Variants in ANTXR1 observed in about 807,000 individuals in gnomAD.
ANTXR1 encodes the protein ANTXR cell adhesion molecule 1.
A neutral mutation model predicts 78.1 loss-of-function variants in ANTXR1; 19 were observed. The observed-to-expected ratio is 0.24, with a 90% CI of 0.17 to 0.36. The LOEUF is 0.36. Ranked by LOEUF, ANTXR1 falls within the 10% of genes least tolerant of loss-of-function variation. The probability of loss-of-function intolerance (pLI) is 1.00; values close to 1 mark genes in which losing one functional copy is unlikely to be tolerated. For missense variants in ANTXR1, 518 were observed against 718.6 expected, an observed-to-expected ratio of 0.72 and a Z score of 3.19; for synonymous variants, 273 against 260.5, an observed-to-expected ratio of 1.05 and a Z score of -0.46.
chr2:69,181,920 A>T (rs754300729), intron 15 of ANTXR1, 39 bp downstream of exon 15: 3 of 1,600,910 alleles, frequency 1.9e-6, no homozygotes, highest in South Asian at 2.2e-5. Context: ...CTATGTGCTG[A>T]CTACTCCCAT....
chr2:69,070,579 T>C, intron 3 of ANTXR1, 68 bp from the exon 4 acceptor site: 1 of 1,415,566 alleles, frequency 7.1e-7, no homozygotes. Flanking sequence ...AGAAGACTAG[T>C]ACTTATGACT....
At chr2:69,203,058 T>C (rs977967135) in intron 17 of ANTXR1, among the ~76,000 whole-genome samples, 2 of 138,426 alleles carry the variant, frequency 1.4e-5, no homozygotes, top group Non-Finnish European at 3.3e-5. Context: ...TACATGAAAG[T>C]CGTTTTTCTT....
intron 2 of ANTXR1, among the ~76,000 whole-genome samples, chr2:69,042,296 G>A (rs1011961020): frequency 6.6e-6 from 1 of 152,026 alleles, no homozygotes; most frequent in Non-Finnish European, 1.5e-5. Context: ...ACCCATTGCT[G>A]TCAGCAAATA....
At chr2:69,058,679 G>T (rs895905272) in intron 3 of ANTXR1, among the ~76,000 whole-genome samples, 2 of 152,126 alleles carry the variant, frequency 1.3e-5, no homozygotes, top group African/African-American at 2.4e-5. Flanking sequence ...CATGGATCAG[G>T]GAGTAATTTA....
rs573112898 is a variant in ANTXR1, at chr2:69,039,897, A to G, written c.153-147A>G. 141 of 684,214 alleles carry G rather than the reference A, an allele frequency of 2.1e-4. 1 individual carries two copies. The African/African-American group carries it at 2.3e-3, about 11-fold the overall frequency. 42.4% of individuals were successfully genotyped at this position (684,214 alleles called of 1,614,324 possible). A position where few individuals can be genotyped will look rare whatever the true frequency, so the allele number is the denominator to read the frequency against. ...AACAGAAAGTTGAAACAGCCTTTCAAATAATTTCCAAAGTTACAGAAGTTT... is the reference window on the plus strand; with the variant it reads ...AACAGAAAGTTGAAACAGCCTTTCAGATAATTTCCAAAGTTACAGAAGTTT... On this transcript the variant is annotated intron_variant, in intron 1 of 17. Coordinates refer to ENST00000303714, the MANE Select transcript of ANTXR1 (RefSeq NM_032208.3).
chr2:69,080,409 TG>T (rs1190686450), intron 8 of ANTXR1, among the ~76,000 whole-genome samples: 1 of 152,260 alleles, frequency 6.6e-6, no homozygotes, highest in East Asian at 1.9e-4. Flanking sequence ...AAAATAGGAC[TG>T]GGCTTAATTA....
intron 1 of ANTXR1, among the ~76,000 whole-genome samples, chr2:69,031,457 T>C (rs749393666): frequency 6.6e-6 from 1 of 152,172 alleles, no homozygotes; most frequent in African/African-American, 2.4e-5. Flanking sequence ...ATTAAAACAA[T>C]AGTGAAATCA....
At chr2:69,105,775 A>C (rs1469246628) in intron 10 of ANTXR1, among the ~76,000 whole-genome samples, 1 of 152,064 alleles carries the variant, frequency 6.6e-6, no homozygotes, top group East Asian at 1.9e-4. Context: ...TAAGTGCTGC[A>C]TTGGAATTTG....
intron 1 of ANTXR1, among the ~76,000 whole-genome samples, chr2:69,023,516 AGAT>A (rs893213627): frequency 2.4e-5 from 2 of 83,738 alleles, no homozygotes; most frequent in Non-Finnish European, 4.0e-5. Context: ...GTGGAGGTGG[AGAT>A]GATGATGATG....
chr2:69,145,207 G>C lies in ANTXR1; in HGVS notation c.952-6962G>C, dbSNP rs1298555352. ...ACAGCCAGAGGCAGAGTTACGGGGG[G>C]CTGATTCGCTTAAACTTTAGGGACC... On this transcript the variant is annotated intron_variant, in intron 12 of 17. Coordinates refer to ENST00000303714, the MANE Select transcript of ANTXR1 (RefSeq NM_032208.3). 4 of 983,102 alleles carry C rather than the reference G, an allele frequency of 4.1e-6. No individual in the cohort carries two copies. In the East Asian group the frequency reaches 1.1e-4, roughly 26 times the overall value. The allele number at this position is 983,102 out of a possible 1,614,324, so 60.9% of individuals were successfully genotyped here. A position where few individuals can be genotyped will look rare whatever the true frequency, so the allele number is the denominator to read the frequency against.
chr2:69,096,206 C>T (rs1305465735), intron 9 of ANTXR1, among the ~76,000 whole-genome samples: 1 of 149,622 alleles, frequency 6.7e-6, no homozygotes, highest in Non-Finnish European at 1.5e-5. Flanking sequence ...TGCAGTGAGC[C>T]GAGATCATGT....
chr2:69,186,099 G>A (rs1289511326), intron 16 of ANTXR1, among the ~76,000 whole-genome samples: 3 of 152,142 alleles, frequency 2.0e-5, no homozygotes, highest in African/African-American at 7.2e-5. Context: ...TTAAAGAGCT[G>A]AGGCATGAAC....
intron 17 of ANTXR1, among the ~76,000 whole-genome samples, chr2:69,237,595 T>A (rs1675796830): frequency 6.6e-6 from 1 of 152,190 alleles, no homozygotes; most frequent in African/African-American, 2.4e-5. Context: ...TAATTTTTTT[T>A]ATTTTTTGTA....
intron 9 of ANTXR1, among the ~76,000 whole-genome samples, chr2:69,097,222 G>A (rs1172749695): frequency 2.0e-5 from 3 of 152,186 alleles, no homozygotes; most frequent in South Asian, 2.1e-4. Context: ...TGCTATGTAA[G>A]CAAGGATGCC....
At chr2:69,162,929 G>A (rs575839164) in intron 13 of ANTXR1, among the ~76,000 whole-genome samples, 14 of 151,970 alleles carry the variant, frequency 9.2e-5, no homozygotes, top group Non-Finnish European at 1.3e-4. Context: ...TTAGGTTGGC[G>A]CAAAAGTAAT....
chr2:69,089,924 G>C (rs1253335616), intron 8 of ANTXR1, among the ~76,000 whole-genome samples: 1 of 152,158 alleles, frequency 6.6e-6, no homozygotes, highest in Non-Finnish European at 1.5e-5. Context: ...CTCAAGGTAG[G>C]ATTTATAAAT....
chr2:69,138,610 G>A (rs1005880774), intron 12 of ANTXR1, among the ~76,000 whole-genome samples: 2 of 152,180 alleles, frequency 1.3e-5, no homozygotes, highest in African/African-American at 2.4e-5. Context: ...GCGAAAGGCA[G>A]GGAGTTAATT....
intron 6 of ANTXR1, among the ~76,000 whole-genome samples, chr2:69,075,276 A>G (rs981053600): frequency 6.6e-6 from 1 of 152,218 alleles, no homozygotes; most frequent in Non-Finnish European, 1.5e-5. Context: ...AATCCATCAA[A>G]GGAATGGAAA....
chr2:69,218,797 G>A (rs1366273939), intron 17 of ANTXR1, among the ~76,000 whole-genome samples: 2 of 152,126 alleles, frequency 1.3e-5, no homozygotes, highest in Non-Finnish European at 2.9e-5. Flanking sequence ...ATTAATAAAA[G>A]GCTTACAGAA....
Sources: gnomAD v4.1 joint callset for allele counts (sites outside exome capture counted in the v4.1 genomes callset) on GRCh38, gnomAD v4.1.1 for gene constraint, MANE v1.5 for transcripts, NCBI Gene and HGNC (gene_info 2026-07-23, HGNC 2026-07-21) for gene names.